RNF144A: variants seen among roughly 807,000 people sequenced by gnomAD.
RNF144A encodes the protein E3 ubiquitin-protein ligase RNF144A.
A neutral mutation model predicts 38.7 loss-of-function variants in RNF144A; 11 were observed. The ratio of observed to expected loss-of-function variants is 0.28; its 90% confidence interval spans 0.18 to 0.47. RNF144A has a LOEUF of 0.47. RNF144A is among the 20% of genes least tolerant of loss of function. The pLI, the probability that RNF144A is intolerant of heterozygous loss-of-function variation, is 0.99. For synonymous variants in RNF144A, 149 were observed against 143.9 expected (o/e 1.04, Z -0.25); for missense variants, 316 against 377.2 (o/e 0.84, Z 1.34).
intron 3 of RNF144A, among the ~76,000 whole-genome samples, chr2:7,010,431 CT>C (rs1670726722): frequency 1.3e-5 from 2 of 152,172 alleles, no homozygotes; most frequent in South Asian, 4.1e-4. Context: ...AGATAAGCAC[CT>C]TTGAGCACAG....
intron 2 of RNF144A, among the ~76,000 whole-genome samples, chr2:6,984,879 C>T (rs1668852755): frequency 6.6e-6 from 1 of 152,164 alleles, no homozygotes; most frequent in South Asian, 2.1e-4. Context: ...GCATGGGGTC[C>T]ACTCGTGCAT....
At chr2:6,942,843 G>A (rs1048902444) in intron 2 of RNF144A, among the ~76,000 whole-genome samples, 1 of 152,194 alleles carries the variant, frequency 6.6e-6, no homozygotes, top group Admixed American at 6.5e-5. Context: ...AATCAGCTGA[G>A]AGTTGTGGCA....
intron 6 of RNF144A, among the ~76,000 whole-genome samples, chr2:7,053,209 C>T (rs1673596701): frequency 1.3e-5 from 2 of 152,214 alleles, no homozygotes; most frequent in African/African-American, 4.8e-5. Flanking sequence ...GAAGCATGAG[C>T]ATTGCCTGAG....
In RNF144A at chr2:7,030,866, T is replaced by G. The variant is rs534948248; in HGVS notation, c.747+651T>G. 4.6e-5 allele frequency among the ~76,000 whole-genome samples: 7 copies of G among 151,872 alleles called. No individual in the cohort carries two copies. In the South Asian group the frequency reaches 1.5e-3, roughly 32 times the overall value. On this transcript the variant is annotated intron_variant, in intron 8 of 8. Transcript: ENST00000320892. ...CTGAGCTTGTTTTCCTGCAACTAGA[T>G]GGTCCCATCTGAGGGTGATGGGAGA...
chr2:6,999,373 C>G (rs1176801727), intron 3 of RNF144A, among the ~76,000 whole-genome samples: 2 of 152,144 alleles, frequency 1.3e-5, no homozygotes, highest in Non-Finnish European at 2.9e-5. Flanking sequence ...TGCAGGTCGC[C>G]CCAAGCTGGG....
chr2:6,946,930 A>C (rs1452763835), intron 2 of RNF144A, among the ~76,000 whole-genome samples: 1 of 152,186 alleles, frequency 6.6e-6, no homozygotes, highest in African/African-American at 2.4e-5. Context: ...TTTTGTGGGA[A>C]GATCTGCTGA....
intron 2 of RNF144A, among the ~76,000 whole-genome samples, chr2:6,981,808 A>G (rs1318210305): frequency 1.3e-5 from 2 of 151,968 alleles, no homozygotes; most frequent in South Asian, 2.1e-4. Flanking sequence ...CCTGGTACCA[A>G]TTTTCTGTAT....
chr2:6,976,165 G>A (rs1668299815), intron 2 of RNF144A, among the ~76,000 whole-genome samples: 1 of 152,096 alleles, frequency 6.6e-6, no homozygotes, highest in Non-Finnish European at 1.5e-5. Context: ...GTAAATCTTT[G>A]GTAGATATAT....
intron 3 of RNF144A, among the ~76,000 whole-genome samples, chr2:6,998,266 T>G (rs2103393208): frequency 6.6e-6 from 1 of 152,308 alleles, no homozygotes; most frequent in African/African-American, 2.4e-5. Flanking sequence ...TGGATTATAA[T>G]CTGTCACTCG....
chr2:6,926,779 G>T (rs1296935125), intron 1 of RNF144A, among the ~76,000 whole-genome samples: 1 of 152,170 alleles, frequency 6.6e-6, no homozygotes, highest in Non-Finnish European at 1.5e-5. Flanking sequence ...TAATATTCAT[G>T]AATATCTTAC....
intron 2 of RNF144A, among the ~76,000 whole-genome samples, chr2:6,968,125 T>C (rs1572291110): frequency 2.0e-5 from 3 of 152,264 alleles, no homozygotes; most frequent in Admixed American, 2.0e-4. Context: ...AGTCCCAGAA[T>C]GGTATCACGT....
chr2:7,052,599 A>G (rs1374911360), intron 6 of RNF144A, among the ~76,000 whole-genome samples: 1 of 152,126 alleles, frequency 6.6e-6, no homozygotes, highest in African/African-American at 2.4e-5. Flanking sequence ...ATGTGTTCTG[A>G]GCCTCACCCA....
rs776205017 is a variant in RNF144A, at chr2:7,039,671, G to C, written c.790G>C (p.Ala264Pro). The C allele has an allele frequency of 6.2e-7, 1 of 1,614,016 alleles. No individual in the cohort carries two copies. The highest frequency in any genetic ancestry group is 8.5e-7 in the Non-Finnish European group (1 of 1,179,980). Residue 264 changes from alanine to proline, a missense_variant, in exon 9 of 9, where the codon GCC becomes CCC. Physicochemically the swap from Ala to Pro is conservative, Grantham distance 27. Coordinates refer to ENST00000320892, the MANE Select transcript of RNF144A (RefSeq NM_014746.6). The part of the protein sequence containing the change: ...FAGFGLLLLV[A>P]SPFLLLATPF... ...AGGATTTGGGCTGCTGCTCTTGGTG[G>C]CCTCACCTTTCCTACTCCTGGCCAC...
At chr2:7,000,331 G>A (rs971382762) in intron 3 of RNF144A, among the ~76,000 whole-genome samples, 1 of 152,148 alleles carries the variant, frequency 6.6e-6, no homozygotes, top group African/African-American at 2.4e-5. Context: ...TTCTGTGCTG[G>A]AGCACTGGCC....
At chr2:6,973,762 C>T (rs1197250770) in intron 2 of RNF144A, among the ~76,000 whole-genome samples, 1 of 152,184 alleles carries the variant, frequency 6.6e-6, no homozygotes, top group Non-Finnish European at 1.5e-5. Flanking sequence ...GGTCCATGGG[C>T]CAAATCCAGC....
Position 6,962,980 on chromosome 2 carries a change from A to G in RNF144A, c.-12+21833A>G, listed in dbSNP as rs968996918. ...ATGGATGAATAAGGGGACTGTCCTC[A>G]GCACTGAGAAGCAGAGGTCAAGGAT... is the stretch of plus-strand genomic sequence containing the variant. On this transcript the variant is annotated intron_variant, in intron 2 of 8. Transcript: ENST00000320892. This position sits in a 1 kb window ranked among gnomAD's most constrained non-coding sequence, Gnocchi z 4.1. Among the ~76,000 whole-genome samples, 2 of 152,250 alleles carry G rather than the reference A, an allele frequency of 1.3e-5. No homozygotes were observed. Among genetic ancestry groups the G allele is most frequent in the East Asian group, 3.8e-4 (2 of 5,196 alleles).
chr2:7,000,775 A>G (rs441766), intron 3 of RNF144A, among the ~76,000 whole-genome samples: 121,835 of 151,780 alleles, frequency 0.8, 49,002 homozygotes, highest in South Asian at 0.92. Flanking sequence ...AAACAGTCTA[A>G]TGAAAGTTAT....
At chr2:6,937,433 A>G (rs574945234) in intron 1 of RNF144A, among the ~76,000 whole-genome samples, 2 of 152,296 alleles carry the variant, frequency 1.3e-5, no homozygotes, top group South Asian at 2.1e-4. Context: ...GGCTCTCTTT[A>G]TAAATCTTTT....
At chr2:6,995,663 C>T (rs2103388918) in intron 2 of RNF144A, among the ~76,000 whole-genome samples, 1 of 152,342 alleles carries the variant, frequency 6.6e-6, no homozygotes, top group South Asian at 2.1e-4. Flanking sequence ...GAAGATTCAG[C>T]CAGTCCAGTC....
Sources: gnomAD v4.1 joint callset for allele counts (sites outside exome capture counted in the v4.1 genomes callset) on GRCh38, gnomAD v4.1.1 for gene constraint, Gnocchi (gnomAD v3.1) non-coding constraint, MANE v1.5 for transcripts, NCBI Gene and HGNC (gene_info 2026-07-23, HGNC 2026-07-21) for gene names.